Variants in CCDC175 observed in about 807,000 individuals in gnomAD.
The protein encoded by CCDC175 is coiled-coil domain containing 175.
In CCDC175, 100 loss-of-function variants were observed where a neutral mutation model predicts 114.6. That is an observed-to-expected ratio of 0.87 (90% CI 0.74 to 1.03). The LOEUF (loss-of-function observed/expected upper bound fraction) is 1.03, where lower values mean the gene tolerates loss of function less well. CCDC175 is among the 50% of genes least tolerant of loss of function. CCDC175 has a pLI of 0.00. For missense variants in CCDC175, 880 were observed against 917.8 expected, an observed-to-expected ratio of 0.96 and a Z score of 0.53; for synonymous variants, 306 against 308.7, an observed-to-expected ratio of 0.99 and a Z score of 0.09.
intron 11 of CCDC175, among the ~76,000 whole-genome samples, chr14:59,539,065 A>G (rs1894596050): frequency 1.3e-5 from 2 of 152,240 alleles, no homozygotes; most frequent in Non-Finnish European, 2.9e-5. Flanking sequence ...CTACACTTCC[A>G]ATAGAACAGC....
intron 19 of CCDC175, among the ~76,000 whole-genome samples, chr14:59,509,891 C>A (rs1023132326): frequency 2.0e-5 from 3 of 152,110 alleles, no homozygotes; most frequent in Non-Finnish European, 4.4e-5. Flanking sequence ...TAAAATTAAG[C>A]CTTGATAAGC....
At chr14:59,541,172 G>C (rs571698854) in intron 10 of CCDC175, among the ~76,000 whole-genome samples, 1 of 152,234 alleles carries the variant, frequency 6.6e-6, no homozygotes, top group East Asian at 1.9e-4. Context: ...GGACATGAAG[G>C]AAAGAATAAC....
At chr14:59,555,871 T>A (rs1036867820) in intron 7 of CCDC175, among the ~76,000 whole-genome samples, 4 of 152,064 alleles carry the variant, frequency 2.6e-5, no homozygotes, top group Non-Finnish European at 5.9e-5. Context: ...CACAATTGCT[T>A]CAAAGAGAAT....
chr14:59,549,727 A>AAAAAAAAAAG (rs1566621975), intron 8 of CCDC175, among the ~76,000 whole-genome samples: 4 of 150,348 alleles, frequency 2.7e-5, no homozygotes, highest in East Asian at 1.9e-4. Context: ...CTCAAAAAAA[A>AAAAAAAAAAG]AAAGAAAAAG....
chr14:59,553,184 G>C (rs1171466347), intron 7 of CCDC175, among the ~76,000 whole-genome samples: 1 of 152,156 alleles, frequency 6.6e-6, no homozygotes, highest in African/African-American at 2.4e-5. Context: ...AAGTTGAAAT[G>C]AAGGAAAAAA....
rs2140115083 is a variant in CCDC175 at position 59,565,228 on chromosome 14, G to A, written c.539C>T (p.Ser180Leu). The change falls in exon 5 of 20, where the codon TCA (serine) becomes TTA (leucine). Residue 180 changes from serine (S) to leucine (L), a missense_variant. Ser to Leu is a moderately radical substitution (Grantham distance 145). Coordinates refer to ENST00000537690, the MANE Select transcript of CCDC175 (RefSeq NM_001164399.2). ...LARKHARFVL[S>L]LNQTMEKKAT... ...TTTTTTCTCCATAGTTTGGTTGAGTGACAGGACAAACCTTGCATGCTTCCT... is the reference window on the plus strand; with the variant it reads ...TTTTTTCTCCATAGTTTGGTTGAGTAACAGGACAAACCTTGCATGCTTCCT... 1 of 1,537,788 alleles carries A rather than the reference G, an allele frequency of 6.5e-7. No individual in the cohort carries two copies. Among genetic ancestry groups the A allele is most frequent in the Non-Finnish European group, 8.7e-7 (1 of 1,147,036 alleles).
At chr14:59,550,942 C>T (rs1443300145) in intron 8 of CCDC175, among the ~76,000 whole-genome samples, 1 of 152,190 alleles carries the variant, frequency 6.6e-6, no homozygotes, top group African/African-American at 2.4e-5. Context: ...GTCAAGTTGA[C>T]ACTCAGTATT....
chr14:59,544,735 G>A lies in CCDC175; in HGVS notation c.1172+428C>T, dbSNP rs141713903. Among the ~76,000 whole-genome samples the A allele has an allele frequency of 8.3e-3, 1,269 of 152,286 alleles. 4 individuals are homozygous for A. Among genetic ancestry groups the A allele is most frequent in the Non-Finnish European group, 0.011 (777 of 68,014 alleles). ...AGGAACATTGTGGGGCATTAGTGTC[G>A]TGATAATGCTCGAGCATATTATAAA... On this transcript the variant is annotated intron_variant, in intron 9 of 19. Transcript: ENST00000537690.
At chr14:59,569,271 G>C (rs1896723434) in intron 3 of CCDC175, among the ~76,000 whole-genome samples, 1 of 152,100 alleles carries the variant, frequency 6.6e-6, no homozygotes, top group Non-Finnish European at 1.5e-5. Context: ...TGTTGCAGCA[G>C]GCTTTCTCAA....
At chr14:59,545,590 C>T (rs75658627) in intron 8 of CCDC175, among the ~76,000 whole-genome samples, 5,023 of 152,164 alleles carry the variant, frequency 0.033, 120 homozygotes, top group Middle Eastern at 0.048. Flanking sequence ...TGCTGAGCAA[C>T]GTTAGTATGT....
At chr14:59,531,079 A>C (rs1894043580) in intron 14 of CCDC175, among the ~76,000 whole-genome samples, 1 of 151,904 alleles carries the variant, frequency 6.6e-6, no homozygotes, top group Non-Finnish European at 1.5e-5. Context: ...GTTTGAGATT[A>C]GCCTGGGCAA....
chr14:59,514,796 A>G (rs1224126257), intron 17 of CCDC175, among the ~76,000 whole-genome samples: 3 of 152,326 alleles, frequency 2.0e-5, no homozygotes, highest in Non-Finnish European at 4.4e-5. Flanking sequence ...CCAACATTCA[A>G]ATTCAGGAAA....
At chr14:59,554,643 T>TCA (rs1895755417) in intron 7 of CCDC175, among the ~76,000 whole-genome samples, 1 of 151,872 alleles carries the variant, frequency 6.6e-6, no homozygotes, top group African/African-American at 2.4e-5. Flanking sequence ...AATAGAGACA[T>TCA]AAAAAACCCT....
intron 11 of CCDC175, among the ~76,000 whole-genome samples, chr14:59,539,741 C>T (rs1894648918): frequency 6.6e-6 from 1 of 152,022 alleles, no homozygotes; most frequent in Non-Finnish European, 1.5e-5. Context: ...TAGTGAAACC[C>T]CATCTCTACT....
At chr14:59,515,447 G>T (rs1024208926) in intron 17 of CCDC175, among the ~76,000 whole-genome samples, 2 of 152,108 alleles carry the variant, frequency 1.3e-5, no homozygotes, top group African/African-American at 4.8e-5. Context: ...ACACATATAG[G>T]CTCAAAATAA....
intron 13 of CCDC175, among the ~76,000 whole-genome samples, chr14:59,534,757 G>A (rs988115847): frequency 2.0e-4 from 30 of 152,232 alleles, no homozygotes; most frequent in African/African-American, 6.3e-4. Flanking sequence ...CGGAGGGTCC[G>A]GTATCAGAGT....
At chr14:59,505,418 T>C (rs1594961281) in intron 19 of CCDC175, 103 bp from the exon 20 acceptor site, 1 of 527,276 alleles carries the variant, frequency 1.9e-6, no homozygotes, top group East Asian at 3.0e-5. Flanking sequence ...GAATCCTCAA[T>C]TGAGTAATTG....
intron 4 of CCDC175, among the ~76,000 whole-genome samples, chr14:59,565,827 C>G (rs1304741107): frequency 7.9e-5 from 12 of 152,130 alleles, no homozygotes. Flanking sequence ...TCCCCAGATG[C>G]CAGGTAGTGA....
chr14:59,531,958 A>G, intron 13 of CCDC175, 48 bp from the exon 14 acceptor site: 3 of 913,002 alleles, frequency 3.3e-6, no homozygotes, highest in Non-Finnish European at 4.9e-6. Flanking sequence ...TGGATAATTC[A>G]CACAACAATT....
Sources: gnomAD v4.1 joint callset for allele counts (sites outside exome capture counted in the v4.1 genomes callset) on GRCh38, gnomAD v4.1.1 for gene constraint, MANE v1.5 for transcripts, NCBI Gene and HGNC (gene_info 2026-07-23, HGNC 2026-07-21) for gene names.